Variants in CCDC91 observed in about 807,000 individuals in gnomAD.
The protein encoded by CCDC91 is coiled-coil domain-containing protein 91.
Under a neutral mutation model 63.2 loss-of-function variants are expected in CCDC91, and 48 were observed. That is an observed-to-expected ratio of 0.76 (90% CI 0.60 to 0.97). The LOEUF is 0.97. Among genes scored for constraint, CCDC91 ranks in the 50% least tolerant of loss-of-function variants. The pLI, the probability that CCDC91 is intolerant of heterozygous loss-of-function variation, is 0.00. For synonymous variants in CCDC91, 167 were observed against 165.8 expected (o/e 1.01, Z -0.06); for missense variants, 500 against 494.6 (o/e 1.01, Z -0.10).
At chr12:28,295,127 T>C (rs1473078867) in intron 3 of CCDC91, among the ~76,000 whole-genome samples, 2 of 152,164 alleles carry the variant, frequency 1.3e-5, no homozygotes, top group Non-Finnish European at 2.9e-5. Flanking sequence ...ACTCTGCACC[T>C]TTAGAAAAAA....
At chr12:28,265,464 C>A (rs1249534736) in intron 3 of CCDC91, among the ~76,000 whole-genome samples, 1 of 152,052 alleles carries the variant, frequency 6.6e-6, no homozygotes, top group African/African-American at 2.4e-5. Flanking sequence ...ACAAAGCCAA[C>A]AGGAAAGTTC....
chr12:28,516,768 C>A (rs904432455), intron 12 of CCDC91, among the ~76,000 whole-genome samples: 2 of 151,846 alleles, frequency 1.3e-5, no homozygotes, highest in African/African-American at 4.8e-5. Context: ...TGAACTCATT[C>A]TTTTATAAGG....
chr12:28,493,321 CATT>C (rs1952110844), intron 12 of CCDC91, among the ~76,000 whole-genome samples: 1 of 151,670 alleles, frequency 6.6e-6, no homozygotes, highest in African/African-American at 2.4e-5. Context: ...ATAATTTACA[CATT>C]ATTTTTCATA....
intron 7 of CCDC91, among the ~76,000 whole-genome samples, chr12:28,369,827 A>C (rs952681943): frequency 1.4e-4 from 22 of 152,164 alleles, no homozygotes; most frequent in Non-Finnish European, 2.8e-4. Flanking sequence ...TGGGGCTTAC[A>C]CCCTCTGAGG....
intron 6 of CCDC91, among the ~76,000 whole-genome samples, chr12:28,330,245 G>A (rs191001887): frequency 2.9e-3 from 438 of 152,258 alleles, no homozygotes; most frequent in Non-Finnish European, 5.2e-3. Context: ...GTGTAAAAGT[G>A]TTCCCATTTC....
At chr12:28,514,985 T>C (rs1297870447) in intron 12 of CCDC91, among the ~76,000 whole-genome samples, 4 of 151,760 alleles carry the variant, frequency 2.6e-5, no homozygotes, top group South Asian at 2.1e-4. Flanking sequence ...TTGACCTATG[T>C]AACAAATATG....
chr12:28,192,311 TATG>T (rs1941331436), intron 1 of CCDC91, among the ~76,000 whole-genome samples: 1 of 152,172 alleles, frequency 6.6e-6, no homozygotes, highest in African/African-American at 2.4e-5. Flanking sequence ...ATGCATTACA[TATG>T]ATTGTTATGA....
intron 8 of CCDC91, among the ~76,000 whole-genome samples, chr12:28,425,294 G>A (rs1466017091): frequency 3.3e-5 from 5 of 152,018 alleles, no homozygotes; most frequent in Non-Finnish European, 7.4e-5. Flanking sequence ...TCTTTATCAG[G>A]CAACTCTGTC....
At chr12:28,291,648 A>T (rs1236192037) in intron 3 of CCDC91, among the ~76,000 whole-genome samples, 3 of 152,142 alleles carry the variant, frequency 2.0e-5, no homozygotes, top group Admixed American at 6.5e-5. Context: ...GTCATATAAA[A>T]TCCACTTTTT....
At chr12:28,417,393 T>G (rs1374731315) in intron 8 of CCDC91, among the ~76,000 whole-genome samples, 1 of 152,104 alleles carries the variant, frequency 6.6e-6, no homozygotes, top group African/African-American at 2.4e-5. Context: ...TTCCTCGTGC[T>G]CTTTGTAACC....
At chr12:28,298,988 G>A (rs1490881884) in intron 3 of CCDC91, among the ~76,000 whole-genome samples, 1 of 151,442 alleles carries the variant, frequency 6.6e-6, no homozygotes, top group East Asian at 1.9e-4. Context: ...CAGTATTTAG[G>A]TTGTTGCCAC....
At chr12:28,503,059 C>T (rs1170600396) in intron 12 of CCDC91, among the ~76,000 whole-genome samples, 2 of 152,126 alleles carry the variant, frequency 1.3e-5, no homozygotes, top group Non-Finnish European at 2.9e-5. Context: ...AAAGCAATGG[C>T]AACAAAAGCC....
intron 11 of CCDC91, among the ~76,000 whole-genome samples, chr12:28,460,073 C>A (rs756096764): frequency 1.3e-5 from 2 of 152,110 alleles, no homozygotes; most frequent in Non-Finnish European, 2.9e-5. Flanking sequence ...GAGCCAAGCT[C>A]TTCAGACTCA....
intron 6 of CCDC91, among the ~76,000 whole-genome samples, chr12:28,325,165 T>A (rs1399337078): frequency 6.6e-6 from 1 of 151,950 alleles, no homozygotes; most frequent in Non-Finnish European, 1.5e-5. Context: ...AAATTGGGAA[T>A]CACATAAAAG....
At chr12:28,472,378 G>C (rs894227871) in intron 11 of CCDC91, among the ~76,000 whole-genome samples, 57 of 152,136 alleles carry the variant, frequency 3.7e-4, no homozygotes, top group African/African-American at 1.2e-3. Flanking sequence ...AAGACAGAAG[G>C]CTTTATGGGC....
intron 6 of CCDC91, among the ~76,000 whole-genome samples, chr12:28,315,903 T>C (rs1341258478): frequency 6.6e-6 from 1 of 151,838 alleles, no homozygotes; most frequent in Non-Finnish European, 1.5e-5. Flanking sequence ...ATTTAGATAA[T>C]AGTGTACTAA....
chr12:28,329,844 C>G (rs2137634863), intron 6 of CCDC91, among the ~76,000 whole-genome samples: 1 of 152,196 alleles, frequency 6.6e-6, no homozygotes, highest in East Asian at 1.9e-4. Context: ...CAGTTCCCAC[C>G]TATGAGTGAG....
At chr12:28,409,342 G>A (rs1947169639) in intron 8 of CCDC91, among the ~76,000 whole-genome samples, 1 of 152,028 alleles carries the variant, frequency 6.6e-6, no homozygotes, top group African/African-American at 2.4e-5. Flanking sequence ...TTAAGTATAA[G>A]TGTGTGCATG....
chr12:28,443,521 G>A (rs1013642348), intron 8 of CCDC91, among the ~76,000 whole-genome samples: 2 of 151,994 alleles, frequency 1.3e-5, no homozygotes, highest in Non-Finnish European at 2.9e-5. Context: ...AATACACTGA[G>A]AGCCTCTAGA....
Sources: allele counts gnomAD v4.1 joint callset (sites outside exome capture counted in the v4.1 genomes callset), GRCh38; gene constraint gnomAD v4.1.1; transcripts MANE v1.5; gene names NCBI Gene and HGNC (gene_info 2026-07-23, HGNC 2026-07-21).